The following DNAH14 variants were observed in gnomAD, a reference collection of about 807,000 sequenced individuals.
DNAH14 encodes the protein axonemal beta dynein heavy chain 14.
Under a neutral mutation model 520.9 loss-of-function variants are expected in DNAH14, and 478 were observed. The observed-to-expected ratio is 0.92, with a 90% CI of 0.85 to 0.99. DNAH14 has a LOEUF of 0.99. Ranked by LOEUF, DNAH14 falls within the 50% of genes least tolerant of loss-of-function variation. The probability of loss-of-function intolerance (pLI) is 0.00; values close to 1 mark genes in which losing one functional copy is unlikely to be tolerated. For synonymous variants in DNAH14, 1,581 were observed against 1,757.2 expected (o/e 0.90, Z 2.51); for missense variants, 4,831 against 5,234.5 (o/e 0.92, Z 2.38).
intron 81 of DNAH14, among the ~76,000 whole-genome samples, chr1:225,384,955 T>A (rs2095823383): frequency 6.6e-6 from 1 of 152,170 alleles, no homozygotes; most frequent in South Asian, 2.1e-4. Context: ...ATATCCCCAA[T>A]GAACATAGAT....
At position 225,240,583 on chromosome 1, in the gene DNAH14, T is replaced by C; in HGVS notation, c.6519-10T>C. On this transcript the variant is annotated splice_polypyrimidine_tract_variant and intron_variant, in intron 42 of 85. Transcript: ENST00000682510. ...GTTAACCTTCATCCTTCCATACCTG[T>C]CTACCCCAGGGATGAAAATACATGG... 1 of 1,483,482 alleles carries C rather than the reference T, an allele frequency of 6.7e-7. No homozygotes were observed. The highest frequency in any genetic ancestry group is 9.2e-7 in the Non-Finnish European group (1 of 1,086,358). 91.9% of individuals were successfully genotyped at this position (1,483,482 alleles called of 1,614,324 possible).
rs576001682 is a variant in DNAH14, at chr1:225,272,657, C to G, written c.7840-298C>G. ...GTACCTCAGTATCACGTGCAACACC[C>G]TGCCTCCATGTTAGCACTGTAGTCG... is the stretch of plus-strand genomic sequence containing the variant. On this transcript the variant is annotated intron_variant, in intron 51 of 85. Transcript: ENST00000682510. Among the ~76,000 whole-genome samples the G allele has an allele frequency of 1.4e-3, 207 of 152,274 alleles. 1 individual carries two copies. Among genetic ancestry groups the G allele is most frequent in the Middle Eastern group, 6.8e-3 (2 of 294 alleles).
intron 23 of DNAH14, among the ~76,000 whole-genome samples, chr1:225,106,057 G>A (rs528554365): frequency 7.1e-6 from 1 of 141,028 alleles, no homozygotes; most frequent in South Asian, 2.2e-4. Flanking sequence ...TCCTTCAGGA[G>A]CACTTTTAGG....
At chr1:225,318,029 C>T (rs146745675) in intron 60 of DNAH14, among the ~76,000 whole-genome samples, 27 of 152,272 alleles carry the variant, frequency 1.8e-4, no homozygotes, top group African/African-American at 6.5e-4. Context: ...AACTTTTTAG[C>T]CAGATCTCAA....
chr1:225,205,872 T>G (rs899313593), intron 39 of DNAH14, 99 bp from the exon 40 acceptor site: 2 of 1,007,120 alleles, frequency 2.0e-6, no homozygotes, highest in East Asian at 5.2e-5. Flanking sequence ...ATCTTTCCTC[T>G]TAGAAAATAT....
In DNAH14 at chr1:225,324,218, C is replaced by T. The variant is rs1477411667; in HGVS notation, c.9496-4C>T. Reference sequence around the variant, plus strand: ...ATGTAATACATTAACTGTGTTCTCTCTAGGTTTTCGTGAAGCTAAAAAAAA... The same window carrying T: ...ATGTAATACATTAACTGTGTTCTCTTTAGGTTTTCGTGAAGCTAAAAAAAA... On this transcript the variant is annotated splice_polypyrimidine_tract_variant and splice_region_variant and intron_variant, in intron 62 of 85. Coordinates refer to ENST00000682510, the MANE Select transcript of DNAH14 (RefSeq NM_001367479.1). 4.5e-6 allele frequency: 7 copies of T among 1,551,604 alleles called. No individual in the cohort carries two copies. Among genetic ancestry groups the T allele is most frequent in the Non-Finnish European group, 5.2e-6 (6 of 1,146,928 alleles).
At chr1:225,357,610 A>G (rs2095444733) in intron 73 of DNAH14, among the ~76,000 whole-genome samples, 1 of 111,076 alleles carries the variant, frequency 9.0e-6, no homozygotes, top group Non-Finnish European at 1.9e-5. Context: ...ATATAATTAA[A>G]AGAAAATTTT....
intron 23 of DNAH14, among the ~76,000 whole-genome samples, chr1:225,112,728 T>C (rs770821531): frequency 6.6e-6 from 1 of 152,062 alleles, no homozygotes; most frequent in Non-Finnish European, 1.5e-5. Context: ...TCAAGCTCAC[T>C]AATTCTCTCT....
rs549271404 is a variant in DNAH14 at position 225,056,492 on chromosome 1, C to G, written c.2424+4697C>G. On this transcript the variant is annotated intron_variant, in intron 17 of 85. Transcript: ENST00000682510. ...CCATTCTGTAGGTTGCCTGTTCACT[C>G]TGATGGTAGTTTCTTTTGCTGTGCA... 1.4e-4 allele frequency among the ~76,000 whole-genome samples: 21 copies of G among 152,246 alleles called. No homozygotes were observed. The South Asian group carries it at 4.4e-3, about 32-fold the overall frequency.
In DNAH14 at chr1:225,116,014, T is replaced by A. The variant is rs536444858; in HGVS notation, c.3868-1670T>A. 2.0e-5 allele frequency among the ~76,000 whole-genome samples: 3 copies of A among 152,214 alleles called. No individual in the cohort carries two copies. The South Asian group carries it at 6.2e-4, about 32-fold the overall frequency. Reference sequence around the variant, plus strand: ...CAATGATAACTGGTCTTGAAAGAAATGTAGGTGTTAAATAGATAAAAGAGT... The same window carrying A: ...CAATGATAACTGGTCTTGAAAGAAAAGTAGGTGTTAAATAGATAAAAGAGT... On this transcript the variant is annotated intron_variant, in intron 23 of 85. Transcript: ENST00000682510.
chr1:225,296,985 G>A (rs530786273), intron 55 of DNAH14, among the ~76,000 whole-genome samples: 2 of 152,178 alleles, frequency 1.3e-5, no homozygotes, highest in South Asian at 4.1e-4. Flanking sequence ...GAATCTACTT[G>A]GGGACATTGG....
intron 11 of DNAH14, among the ~76,000 whole-genome samples, chr1:225,028,496 T>A (rs2066296190): frequency 2.0e-5 from 3 of 152,028 alleles, no homozygotes; most frequent in Admixed American, 6.6e-5. Flanking sequence ...TTACAGATTT[T>A]AGTAATTTGA....
chr1:225,034,587 T>C (rs2066804041), intron 11 of DNAH14, among the ~76,000 whole-genome samples: 1 of 151,400 alleles, frequency 6.6e-6, no homozygotes, highest in African/African-American at 2.4e-5. Flanking sequence ...GCTGGCCTCA[T>C]AGAATGATTT....
At chr1:225,082,047 G>T (rs2073181039) in intron 19 of DNAH14, among the ~76,000 whole-genome samples, 1 of 152,068 alleles carries the variant, frequency 6.6e-6, no homozygotes, top group Non-Finnish European at 1.5e-5. Flanking sequence ...GAGGTGGGCG[G>T]ATCATTCGAG....
At chr1:225,301,073 A>G (rs1192748150) in intron 56 of DNAH14, 43 bp downstream of exon 56, 2 of 1,508,892 alleles carry the variant, frequency 1.3e-6, no homozygotes, top group Admixed American at 2.1e-5. Context: ...TCATGTTAAA[A>G]GTAGACCGTG....
chr1:225,052,652 CACAG>C (rs1315850417), intron 17 of DNAH14, among the ~76,000 whole-genome samples: 1 of 152,090 alleles, frequency 6.6e-6, no homozygotes, highest in Non-Finnish European at 1.5e-5. Flanking sequence ...GGTGAACAAT[CACAG>C]ACAATTTTCT....
At chr1:225,080,044 A>T (rs2072932684) in intron 18 of DNAH14, among the ~76,000 whole-genome samples, 1 of 152,184 alleles carries the variant, frequency 6.6e-6, no homozygotes, top group Non-Finnish European at 1.5e-5. Flanking sequence ...GGGAAGTAAA[A>T]TTACATTTCT....
intron 82 of DNAH14, 22 bp from the exon 83 acceptor site, chr1:225,389,712 C>T (rs1403163991): frequency 5.8e-6 from 9 of 1,551,516 alleles, no homozygotes; most frequent in African/African-American, 2.7e-5. Flanking sequence ...TAACCCCCAA[C>T]CTGTGGTCTG....
rs71170080 is a variant in DNAH14 at position 225,374,145 on chromosome 1, C to CTATA, written c.12319-508_12319-505dup. Among the ~76,000 whole-genome samples, 270 of 33,008 alleles carry CTATA rather than the reference C, an allele frequency of 8.2e-3. 13 individuals are homozygous for CTATA. The highest frequency in any genetic ancestry group is 0.016 in the African/African-American group (118 of 7,314). The allele number at this position is 33,008 out of a possible 152,430, so 21.7% of individuals were successfully genotyped here. On this transcript the variant is annotated intron_variant, in intron 77 of 85. Transcript: ENST00000682510. ...TGTATGTCCCAATATTTGTGTCTTA[C>CTATA]TATATATATATATATATATATATAT...
Sources: gnomAD v4.1 joint callset for allele counts (sites outside exome capture counted in the v4.1 genomes callset) on GRCh38, gnomAD v4.1.1 for gene constraint, MANE v1.5 for transcripts, NCBI Gene and HGNC (gene_info 2026-07-23, HGNC 2026-07-21) for gene names.